HS6ST3: variants seen among roughly 807,000 people sequenced by gnomAD.
The protein encoded by HS6ST3 is heparan-sulfate 6-O-sulfotransferase 3.
HS6ST3 carries 12 observed loss-of-function variants against 36.7 expected under a neutral mutation model. That is an observed-to-expected ratio of 0.33 (90% CI 0.21 to 0.53). HS6ST3 has a LOEUF of 0.53. HS6ST3 is among the 20% of genes least tolerant of loss of function. HS6ST3 has a pLI of 0.95. For missense variants in HS6ST3, 584 were observed against 640.9 expected, an observed-to-expected ratio of 0.91 and a Z score of 0.96; for synonymous variants, 240 against 257.5, an observed-to-expected ratio of 0.93 and a Z score of 0.65.
chr13:96,137,651 C>G (rs1190422323), intron 1 of HS6ST3, among the ~76,000 whole-genome samples: 3 of 152,244 alleles, frequency 2.0e-5, no homozygotes, highest in East Asian at 1.9e-4. Context: ...CCAGGCTGAT[C>G]TTGAACTCCT....
At chr13:96,736,292 G>T (rs2138480930) in intron 1 of HS6ST3, among the ~76,000 whole-genome samples, 1 of 152,216 alleles carries the variant, frequency 6.6e-6, no homozygotes, top group Admixed American at 6.5e-5. Context: ...GATGGGCAAA[G>T]ACACCCCAAG....
In HS6ST3 at chr13:96,394,708, A is replaced by C. The variant is rs563891798; in HGVS notation, c.707+303139A>C. Reference sequence around the variant, plus strand: ...AATAAAGAGCTTAGAATGTGATCCTATTGTTGGAATTCGTACCCAGTTCTT... The same window carrying C: ...AATAAAGAGCTTAGAATGTGATCCTCTTGTTGGAATTCGTACCCAGTTCTT... On this transcript the variant is annotated intron_variant, in intron 1 of 1. Coordinates refer to ENST00000376705, the MANE Select transcript of HS6ST3 (RefSeq NM_153456.4). Among the ~76,000 whole-genome samples, 25 of 152,276 alleles carry C rather than the reference A, an allele frequency of 1.6e-4. No individual in the cohort carries two copies. In the South Asian group the frequency reaches 3.9e-3, roughly 24 times the overall value.
intron 1 of HS6ST3, among the ~76,000 whole-genome samples, chr13:96,739,909 A>T (rs1055093843): frequency 2.0e-5 from 3 of 151,802 alleles, no homozygotes; most frequent in African/African-American, 7.3e-5. Flanking sequence ...CTCATTTCCC[A>T]CTTTTTGCTG....
intron 1 of HS6ST3, among the ~76,000 whole-genome samples, chr13:96,306,958 C>T (rs1451776994): frequency 6.6e-6 from 1 of 152,136 alleles, no homozygotes. Context: ...AGATAGGCAA[C>T]ACTGATTCAA....
chr13:96,313,820 G>A (rs539903869), intron 1 of HS6ST3, among the ~76,000 whole-genome samples: 1 of 152,074 alleles, frequency 6.6e-6, no homozygotes, highest in Non-Finnish European at 1.5e-5. Flanking sequence ...GTTCTGACCC[G>A]CACAGGTGTC....
intron 1 of HS6ST3, among the ~76,000 whole-genome samples, chr13:96,636,832 A>G (rs1358412235): frequency 6.6e-6 from 1 of 152,100 alleles, no homozygotes; most frequent in Non-Finnish European, 1.5e-5. Context: ...TTATGAATTT[A>G]TATATATTTG....
intron 1 of HS6ST3, among the ~76,000 whole-genome samples, chr13:96,804,213 G>A (rs569639982): frequency 6.6e-5 from 10 of 152,166 alleles, no homozygotes; most frequent in African/African-American, 1.4e-4. Flanking sequence ...AATTGGGAAC[G>A]GCTAGTGGTA....
At chr13:96,367,732 C>T (rs2055270071) in intron 1 of HS6ST3, among the ~76,000 whole-genome samples, 2 of 152,150 alleles carry the variant, frequency 1.3e-5, no homozygotes, top group Non-Finnish European at 1.5e-5. Context: ...CTGTTCTAGA[C>T]GTCAGTTACA....
At chr13:96,397,099 G>C (rs1014492600) in intron 1 of HS6ST3, among the ~76,000 whole-genome samples, 4 of 152,126 alleles carry the variant, frequency 2.6e-5, no homozygotes, top group Admixed American at 2.0e-4. Context: ...AGCTACTAGG[G>C]AGCCTGAGGC....
At chr13:96,437,105 A>G (rs2055646779) in intron 1 of HS6ST3, among the ~76,000 whole-genome samples, 1 of 152,160 alleles carries the variant, frequency 6.6e-6, no homozygotes, top group African/African-American at 2.4e-5. Flanking sequence ...ACAAGTCACC[A>G]TGTGGTCTGT....
chr13:96,437,592 A>T (rs936544667), intron 1 of HS6ST3, among the ~76,000 whole-genome samples: 2 of 152,234 alleles, frequency 1.3e-5, no homozygotes, highest in Non-Finnish European at 2.9e-5. Context: ...CTTCATGATG[A>T]TATGGGGTAA....
chr13:96,614,889 C>A (rs524257), intron 1 of HS6ST3, among the ~76,000 whole-genome samples: 56,403 of 151,948 alleles, frequency 0.37, 10,727 homozygotes, highest in East Asian at 0.62. Flanking sequence ...GGTTTGTTTT[C>A]ATCTCAAATA....
intron 1 of HS6ST3, among the ~76,000 whole-genome samples, chr13:96,176,077 C>T (rs1277017262): frequency 2.0e-5 from 3 of 152,136 alleles, no homozygotes; most frequent in Non-Finnish European, 2.9e-5. Context: ...GATCCACCTG[C>T]CTCCGCCTCT....
chr13:96,336,555 G>A (rs1014463227), intron 1 of HS6ST3, among the ~76,000 whole-genome samples: 4 of 152,146 alleles, frequency 2.6e-5, no homozygotes, highest in Non-Finnish European at 5.9e-5. Flanking sequence ...TATGTACAGG[G>A]GGAAGAGAAT....
intron 1 of HS6ST3, among the ~76,000 whole-genome samples, chr13:96,106,700 T>C: frequency 6.6e-6 from 1 of 152,216 alleles, no homozygotes; most frequent in Non-Finnish European, 1.5e-5. Context: ...GGATGGTTGG[T>C]GGAATTGACA....
intron 1 of HS6ST3, among the ~76,000 whole-genome samples, chr13:96,803,913 G>A (rs1424982467): frequency 1.3e-5 from 2 of 152,086 alleles, no homozygotes; most frequent in Non-Finnish European, 2.9e-5. Flanking sequence ...AACACAATTT[G>A]TGCTCTGCAG....
intron 1 of HS6ST3, among the ~76,000 whole-genome samples, chr13:96,623,652 G>T (rs2056502701): frequency 6.6e-6 from 1 of 151,914 alleles, no homozygotes; most frequent in African/African-American, 2.4e-5. Context: ...TAACTGTTTT[G>T]AACTAAACAT....
intron 1 of HS6ST3, among the ~76,000 whole-genome samples, chr13:96,257,443 T>C (rs2054642496): frequency 6.6e-6 from 1 of 152,216 alleles, no homozygotes. Context: ...AGAGGCAGCC[T>C]ACCTGGAAAT....
intron 1 of HS6ST3, among the ~76,000 whole-genome samples, chr13:96,387,447 A>G (rs1239579457): frequency 6.6e-6 from 1 of 152,236 alleles, no homozygotes; most frequent in Non-Finnish European, 1.5e-5. Context: ...GCACAGGAAT[A>G]ATACTTCTTG....
Sources: allele counts gnomAD v4.1 joint callset (sites outside exome capture counted in the v4.1 genomes callset), GRCh38; gene constraint gnomAD v4.1.1; transcripts MANE v1.5; gene names NCBI Gene and HGNC (gene_info 2026-07-23, HGNC 2026-07-21).